Variants in SRC observed in about 807,000 individuals in gnomAD.
SRC encodes proto-oncogene tyrosine-protein kinase Src.
Under a neutral mutation model 62.9 loss-of-function variants are expected in SRC, and 13 were observed. The ratio of observed to expected loss-of-function variants is 0.21; its 90% CI spans 0.13 to 0.33. The LOEUF (loss-of-function observed/expected upper bound fraction) is 0.33, where lower values mean the gene tolerates loss of function less well. SRC is among the 10% of genes least tolerant of loss of function. SRC has a pLI of 1.00. For missense variants in SRC, 457 were observed against 737.3 expected, an observed-to-expected ratio of 0.62 and a Z score of 4.40; for synonymous variants, 302 against 317.5, an observed-to-expected ratio of 0.95 and a Z score of 0.52.
At chr20:37,401,204 T>C (rs1431211208) in intron 10 of SRC, among the ~76,000 whole-genome samples, 1 of 152,024 alleles carries the variant, frequency 6.6e-6, no homozygotes, top group African/African-American at 2.4e-5. Flanking sequence ...AGACTTACTG[T>C]GTAGCTCAGG....
chr20:37,382,211 A>G (rs2070375006), intron 2 of SRC, among the ~76,000 whole-genome samples: 1 of 139,966 alleles, frequency 7.1e-6, no homozygotes, highest in Non-Finnish European at 1.5e-5. Flanking sequence ...ACACAATATC[A>G]ATAACGGCTG....
chr20:37,357,835 G>C (rs2069906000), intron 1 of SRC, among the ~76,000 whole-genome samples: 1 of 152,246 alleles, frequency 6.6e-6, no homozygotes, highest in South Asian at 2.1e-4. Flanking sequence ...GAGTGAGGGT[G>C]TAGGTGAGGG....
At position 37,400,285 on chromosome 20, in the gene SRC, A is replaced by T. The variant is rs754968435; in HGVS notation, c.1030A>T (p.Met344Leu). 8 of 1,612,410 alleles carry T rather than the reference A, an allele frequency of 5.0e-6. No individual in the cohort carries two copies. Among genetic ancestry groups the T allele is most frequent in the Non-Finnish European group, 5.9e-6 (7 of 1,179,056 alleles). ...GCCCATTTACATCGTCACGGAGTAC[A>T]TGAGCAAGGGTGAGTCCTGGGCGGC... is the stretch of plus-strand genomic sequence containing the variant. ...EEPIYIVTEY[M>L]SKGSLLDFLK... Residue 344 changes from methionine to leucine, a missense_variant, in exon 10 of 14, where the codon ATG becomes TTG. This residue lies in a region of SRC where 168 missense variants were observed against 357.8 expected (regional missense o/e 0.47). Transcript: ENST00000373578.
At chr20:37,399,548 CT>C (rs112296863) in intron 9 of SRC, among the ~76,000 whole-genome samples, 2,245 of 141,064 alleles carry the variant, frequency 0.016, 47 homozygotes, top group African/African-American at 0.045. Context: ...CTTTTTAGGA[CT>C]TTTTTTTTTT....
chr20:37,345,786 G>T (rs890160126), upstream of SRC, among the ~76,000 whole-genome samples: 2 of 151,462 alleles, frequency 1.3e-5, no homozygotes, highest in African/African-American at 4.8e-5. Context: ...GTGATTTCGG[G>T]AGAGGCGGAT....
At chr20:37,374,155 C>T (rs1201845941) in intron 2 of SRC, among the ~76,000 whole-genome samples, 1 of 151,328 alleles carries the variant, frequency 6.6e-6, no homozygotes, top group Admixed American at 6.6e-5. Flanking sequence ...TCTCGGCTCA[C>T]TGCAACCTCT....
At chr20:37,381,522 A>T (rs190794834) in intron 2 of SRC, among the ~76,000 whole-genome samples, 3,842 of 152,286 alleles carry the variant, frequency 0.025, 56 homozygotes, top group African/African-American at 0.043. Flanking sequence ...AAAATTTTTT[A>T]AAAAAATTTT....
In SRC at chr20:37,397,237, G is replaced by T. The variant is rs2070667190; in HGVS notation, c.704-462G>T. Among the ~76,000 whole-genome samples the T allele has an allele frequency of 6.6e-6, 1 of 152,158 alleles. No homozygotes were observed. The highest frequency in any genetic ancestry group is 2.1e-4 in the South Asian group (1 of 4,822). On this transcript the variant is annotated intron_variant, in intron 8 of 13. Coordinates refer to ENST00000373578, the MANE Select transcript of SRC (RefSeq NM_198291.3). The surrounding 1 kb of genome is among the most constrained non-coding windows in gnomAD (Gnocchi z 4.1). ...TGCTCTGGCTGTGCCCCTGCCTGGA[G>T]GGCTCTTCCCTACTTAACCCCTCAC...
rs1364921861 is a variant in SRC, at chr20:37,398,650, G to A, written c.859+796G>A. ...GGCTGGAGGTCAGGCTGTCCGGGAA[G>A]GGGAGGCGTGGGCTTTGAGCTGGTG... On this transcript the variant is annotated intron_variant, in intron 9 of 13. Transcript: ENST00000373578. The surrounding 1 kb of genome is among the most constrained non-coding windows in gnomAD (Gnocchi z 5.2). 5.3e-5 allele frequency among the ~76,000 whole-genome samples: 8 copies of A among 152,264 alleles called. No homozygotes were observed. Among genetic ancestry groups the A allele is most frequent in the Non-Finnish European group, 1.2e-4 (8 of 68,046 alleles).
intron 1 of SRC, among the ~76,000 whole-genome samples, chr20:37,356,809 CAG>C (rs1253577402): frequency 6.6e-6 from 1 of 151,864 alleles, no homozygotes; most frequent in Non-Finnish European, 1.5e-5. Context: ...GGACTCTAGA[CAG>C]GGGGAGTTGA....
chr20:37,392,632 C>T (rs1016433891), intron 5 of SRC, among the ~76,000 whole-genome samples: 4 of 152,164 alleles, frequency 2.6e-5, no homozygotes, highest in African/African-American at 9.7e-5. Context: ...GAGTCAGGAG[C>T]CTGGGCCTGG....
chr20:37,401,155 C>T (rs1307096644), intron 10 of SRC, among the ~76,000 whole-genome samples: 1 of 152,034 alleles, frequency 6.6e-6, no homozygotes, highest in East Asian at 1.9e-4. Flanking sequence ...CAACATCCTG[C>T]CCAGCTACTT....
chr20:37,373,201 C>T (rs1196999712), intron 2 of SRC, among the ~76,000 whole-genome samples: 1 of 148,076 alleles, frequency 6.8e-6, no homozygotes, highest in Non-Finnish European at 1.5e-5. Flanking sequence ...CATATATGTA[C>T]ATATCTACAC....
chr20:37,396,093 C>T lies in SRC; in HGVS notation c.554-69C>T, dbSNP rs1192691564. 13 of 1,570,036 alleles carry T rather than the reference C, an allele frequency of 8.3e-6. No individual in the cohort carries two copies. Among genetic ancestry groups the T allele is most frequent in the African/African-American group, 2.7e-5 (2 of 74,384 alleles). Reference sequence around the variant, plus strand: ...CCTCCAATGTCAGGCAGGCACAGAACGGTGTCCAGAGCAGCGGCCTGCGGG... The same window carrying T: ...CCTCCAATGTCAGGCAGGCACAGAATGGTGTCCAGAGCAGCGGCCTGCGGG... On this transcript the variant is annotated intron_variant, in intron 7 of 13. Coordinates refer to ENST00000373578, the MANE Select transcript of SRC (RefSeq NM_198291.3). This position sits in a 1 kb window ranked among gnomAD's most constrained non-coding sequence, Gnocchi z 6.1.
chr20:37,399,325 C>T (rs749205008), intron 9 of SRC, among the ~76,000 whole-genome samples: 5 of 152,206 alleles, frequency 3.3e-5, no homozygotes, highest in African/African-American at 7.2e-5. Flanking sequence ...TTTTGGGGGG[C>T]GGGTGGGCTC....
chr20:37,358,429 T>G (rs772764529), intron 1 of SRC, among the ~76,000 whole-genome samples: 22 of 152,164 alleles, frequency 1.4e-4, no homozygotes, highest in African/African-American at 2.2e-4. Context: ...ACAGGGAAAC[T>G]GAGTCCAGAA....
chr20:37,389,694 C>T (rs1159925668), intron 5 of SRC, among the ~76,000 whole-genome samples: 2 of 152,180 alleles, frequency 1.3e-5, no homozygotes, highest in Admixed American at 6.5e-5. Context: ...CCAAAGCTGC[C>T]GTGCCCCTGA....
Position 37,402,949 on chromosome 20 carries a change from T to C in SRC, c.1402+69T>C. The C allele has an allele frequency of 6.5e-7, 1 of 1,543,108 alleles. No homozygotes were observed. Among genetic ancestry groups the C allele is most frequent in the East Asian group, 2.3e-5 (1 of 44,298 alleles). On this transcript the variant is annotated intron_variant, in intron 13 of 13. Coordinates refer to ENST00000373578, the MANE Select transcript of SRC (RefSeq NM_198291.3). This position sits in a 1 kb window ranked among gnomAD's most constrained non-coding sequence, Gnocchi z 6.2. ...TGCCCTGGTGGCCTTGGGCAAGTCA[T>C]GACTCCTGCTGGGCCTGTTTCCCCA... is the stretch of plus-strand genomic sequence containing the variant.
At chr20:37,383,833 G>A (rs2070401054) in intron 3 of SRC, 1 of 317,644 alleles carries the variant, frequency 3.1e-6, no homozygotes, top group Non-Finnish European at 5.8e-6. Flanking sequence ...CCCTGTTCAA[G>A]CGATTCTCCT....
Sources: gnomAD v4.1 joint callset for allele counts (sites outside exome capture counted in the v4.1 genomes callset) on GRCh38, gnomAD v4.1.1 for gene constraint, gnomAD v4.1.1 regional missense constraint, Gnocchi (gnomAD v3.1) non-coding constraint, MANE v1.5 for transcripts, NCBI Gene and HGNC (gene_info 2026-07-23, HGNC 2026-07-21) for gene names.